ADAMTSL3: variants seen among roughly 807,000 people sequenced by gnomAD.
ADAMTSL3 encodes the protein ADAMTS like 3, also known as ADAMTS-like protein 3.
Under a neutral mutation model 201.7 loss-of-function variants are expected in ADAMTSL3, and 128 were observed. The observed-to-expected ratio is 0.63, with a 90% CI of 0.55 to 0.73. ADAMTSL3 has a LOEUF of 0.73. Among genes scored for constraint, ADAMTSL3 ranks in the 30% least tolerant of loss-of-function variants. The probability of loss-of-function intolerance (pLI) is 0.00; values close to 1 mark genes in which losing one functional copy is unlikely to be tolerated. For synonymous variants in ADAMTSL3, 738 were observed against 748.4 expected, an observed-to-expected ratio of 0.99 and a Z score of 0.23; for missense variants, 1,990 against 2,119.6, an observed-to-expected ratio of 0.94 and a Z score of 1.20.
chr15:83,866,431 A>T (rs1156487389), intron 8 of ADAMTSL3, among the ~76,000 whole-genome samples: 1 of 152,190 alleles, frequency 6.6e-6, no homozygotes, highest in Non-Finnish European at 1.5e-5. Context: ...ATGCAGCCAT[A>T]AAAAAGGATG....
At chr15:83,861,120 G>A (rs995738516) in intron 8 of ADAMTSL3, among the ~76,000 whole-genome samples, 3 of 152,204 alleles carry the variant, frequency 2.0e-5, no homozygotes, top group African/African-American at 7.2e-5. Context: ...GGCTGGGGGA[G>A]GGGCACCCAC....
chr15:83,921,858 AT>A (rs34208012), intron 16 of ADAMTSL3, among the ~76,000 whole-genome samples: 94,800 of 150,000 alleles, frequency 0.63, 30,929 homozygotes, highest in African/African-American at 0.8. Context: ...TAATTTTTGT[AT>A]TTTTTTTTTA....
intron 2 of ADAMTSL3, among the ~76,000 whole-genome samples, chr15:83,691,535 G>C (rs961546687): frequency 2.0e-5 from 3 of 152,174 alleles, no homozygotes; most frequent in Admixed American, 6.5e-5. Context: ...AGTTTGTCTA[G>C]TTTGTGTGAT....
chr15:83,961,669 A>C (rs1377716207), intron 19 of ADAMTSL3: 1 of 152,224 alleles, frequency 6.6e-6, no homozygotes, highest in Non-Finnish European at 1.5e-5. Flanking sequence ...TGTGTTCTTC[A>C]TGTAGAGAGA....
rs557276680 is a variant in ADAMTSL3 at position 83,826,296 on chromosome 15, C to A, written c.600+6249C>A. Among the ~76,000 whole-genome samples the A allele has an allele frequency of 2.0e-5, 3 of 151,966 alleles. No individual in the cohort carries two copies. The East Asian group carries it at 5.8e-4, about 29-fold the overall frequency. On this transcript the variant is annotated intron_variant, in intron 6 of 29. Coordinates refer to ENST00000286744, the MANE Select transcript of ADAMTSL3 (RefSeq NM_207517.3). ...ATGCTAGGATAATTTTTATTTTTTA[C>A]ATTTTTTGTAGAGATCAGGTCTCAC...
intron 3 of ADAMTSL3, among the ~76,000 whole-genome samples, chr15:83,742,704 C>T (rs912878509): frequency 6.6e-6 from 1 of 152,188 alleles, no homozygotes; most frequent in Admixed American, 6.5e-5. Context: ...CTTTTCTTGT[C>T]TGGAAGCTAG....
chr15:83,891,280 G>A (rs765079834), intron 11 of ADAMTSL3, 49 bp from the exon 12 acceptor site: 24 of 1,378,454 alleles, frequency 1.7e-5, no homozygotes, highest in Middle Eastern at 1.8e-4. Context: ...ATTAATGAAT[G>A]TGTTAATTTA....
At chr15:83,866,827 A>G (rs2064989715) in intron 8 of ADAMTSL3, among the ~76,000 whole-genome samples, 1 of 152,220 alleles carries the variant, frequency 6.6e-6, no homozygotes, top group South Asian at 2.1e-4. Flanking sequence ...ATGTTCTGGC[A>G]TATTCAACAT....
intron 23 of ADAMTSL3, among the ~76,000 whole-genome samples, chr15:84,011,021 A>G (rs983151717): frequency 6.6e-6 from 1 of 151,942 alleles, no homozygotes; most frequent in Non-Finnish European, 1.5e-5. Flanking sequence ...GCATGGGCCC[A>G]CTCTAGATTA....
chr15:84,022,969 C>G (rs1254676875), intron 26 of ADAMTSL3, among the ~76,000 whole-genome samples: 1 of 152,154 alleles, frequency 6.6e-6, no homozygotes, highest in Non-Finnish European at 1.5e-5. Context: ...GGGAAACCAT[C>G]CCTGAACTTA....
Position 83,969,210 on chromosome 15 carries a change from C to T in ADAMTSL3, c.2491-1274C>T, listed in dbSNP as rs921563897. 3.9e-5 allele frequency among the ~76,000 whole-genome samples: 6 copies of T among 152,116 alleles called. 1 individual carries two copies. On this transcript the variant is annotated intron_variant, in intron 19 of 29. Transcript: ENST00000286744. Reference sequence around the variant, plus strand: ...CCTATAATCCCAGCACTTTGGGAGGCCGAGGCAGGTGGATCACGAGGTCAG... The same window carrying T: ...CCTATAATCCCAGCACTTTGGGAGGTCGAGGCAGGTGGATCACGAGGTCAG...
chr15:83,821,590 A>G (rs2063866655), intron 6 of ADAMTSL3, among the ~76,000 whole-genome samples: 3 of 151,346 alleles, frequency 2.0e-5, no homozygotes, highest in South Asian at 4.2e-4. Context: ...ATCCCAAGGC[A>G]GAAGAATTTT....
intron 17 of ADAMTSL3, among the ~76,000 whole-genome samples, chr15:83,940,497 T>C (rs938484040): frequency 1.5e-4 from 23 of 152,168 alleles, no homozygotes; most frequent in African/African-American, 5.3e-4. Flanking sequence ...TGTCTCTTTT[T>C]ACAAAGGCAC....
intron 7 of ADAMTSL3, among the ~76,000 whole-genome samples, chr15:83,842,301 C>G (rs2064397025): frequency 6.6e-6 from 1 of 151,946 alleles, no homozygotes; most frequent in Non-Finnish European, 1.5e-5. Flanking sequence ...TGAGAAAAGG[C>G]AGAGGTTCTA....
At chr15:84,032,829 A>C (rs546897343) in intron 28 of ADAMTSL3, among the ~76,000 whole-genome samples, 73 of 152,196 alleles carry the variant, frequency 4.8e-4, no homozygotes, top group Non-Finnish European at 8.7e-4. Context: ...CTTTGGGTAC[A>C]AAGGGTAATA....
intron 2 of ADAMTSL3, among the ~76,000 whole-genome samples, chr15:83,698,308 T>C: frequency 6.6e-6 from 1 of 152,120 alleles, no homozygotes; most frequent in East Asian, 1.9e-4. Flanking sequence ...AGCCATCCCA[T>C]ATACACTTCC....
At chr15:83,822,561 G>T (rs1317223251) in intron 6 of ADAMTSL3, among the ~76,000 whole-genome samples, 1 of 149,136 alleles carries the variant, frequency 6.7e-6, no homozygotes, top group African/African-American at 2.5e-5. Flanking sequence ...CAGACGGGGC[G>T]GCGGGGCAGA....
chr15:84,016,716 C>T (rs982584015), intron 25 of ADAMTSL3, among the ~76,000 whole-genome samples: 1 of 152,174 alleles, frequency 6.6e-6, no homozygotes, highest in Non-Finnish European at 1.5e-5. Context: ...AGGAAGCCTA[C>T]AGAGCTCATA....
chr15:83,658,552 G>A (rs1337170745), intron 2 of ADAMTSL3, among the ~76,000 whole-genome samples: 1 of 152,234 alleles, frequency 6.6e-6, no homozygotes, highest in African/African-American at 2.4e-5. Context: ...TCCTCGAGGA[G>A]CTCACTGTTC....
Sources: allele counts gnomAD v4.1 joint callset (sites outside exome capture counted in the v4.1 genomes callset), GRCh38; gene constraint gnomAD v4.1.1; transcripts MANE v1.5; gene names NCBI Gene and HGNC (gene_info 2026-07-23, HGNC 2026-07-21).